The following ARL17A variants were observed in gnomAD, a reference collection of about 807,000 sequenced individuals.
The protein encoded by ARL17A is ADP-ribosylation factor-like 17-like.
chr17:46,575,315 G>C (rs1418953790), intron 2 of ARL17A, among the ~76,000 whole-genome samples: 1 of 150,674 alleles, frequency 6.6e-6, no homozygotes, highest in Non-Finnish European at 1.5e-5. Flanking sequence ...CACAGTAAGA[G>C]CAGTGCAGCC....
At chr17:46,552,607 G>A, downstream of ARL17A, 1 of 60,086 alleles carries the variant, frequency 1.7e-5, no homozygotes, top group Admixed American at 1.7e-4. Context: ...TGTATTAAGT[G>A]CCAGCTGCAT....
chr17:46,543,905 C>T (rs1485790263), intron 3 of ARL17A, among the ~76,000 whole-genome samples: 2 of 148,102 alleles, frequency 1.4e-5, no homozygotes, highest in Admixed American at 6.6e-5. Context: ...TTGCTTGTGC[C>T]CAGGAGTTCG....
chr17:46,544,603 C>T (rs2055994139), intron 3 of ARL17A, among the ~76,000 whole-genome samples: 1 of 44,808 alleles, frequency 2.2e-5, no homozygotes, highest in Non-Finnish European at 3.7e-5. Flanking sequence ...TGCCCAAATT[C>T]ACATTATTAG....
intron 4 of ARL17A, among the ~76,000 whole-genome samples, chr17:46,535,002 A>G (rs1239873681): frequency 1.3e-5 from 2 of 150,158 alleles, no homozygotes; most frequent in Non-Finnish European, 2.9e-5. Flanking sequence ...CTCACCTCCC[A>G]GACAGGGTCG....
chr17:46,548,362 C>G, downstream of ARL17A: 1 of 544,102 alleles, frequency 1.8e-6, no homozygotes, highest in Non-Finnish European at 2.8e-6. Context: ...GAAGGTGTTA[C>G]AAGCCCGGAA....
At chr17:46,551,270 CTCTG>C (rs1320166004), downstream of ARL17A, among the ~76,000 whole-genome samples, 2 of 149,742 alleles carry the variant, frequency 1.3e-5, no homozygotes, top group East Asian at 3.9e-4. Context: ...TGGAGCTTGC[CTCTG>C]TCTTTTGTTC....
At chr17:46,545,707 G>A (rs1431909954) in intron 3 of ARL17A, among the ~76,000 whole-genome samples, 4 of 122,180 alleles carry the variant, frequency 3.3e-5, no homozygotes, top group African/African-American at 7.4e-5. Flanking sequence ...ATCACTCTTC[G>A]TGGATTCTTC....
intron 4 of ARL17A, among the ~76,000 whole-genome samples, chr17:46,533,524 CAG>C (rs2054057347): frequency 7.3e-6 from 1 of 137,832 alleles, no homozygotes; most frequent in South Asian, 2.2e-4. Flanking sequence ...TATTTTGGGA[CAG>C]AGTCTCACTC....
At chr17:46,575,479 G>T (rs2146070912) in intron 2 of ARL17A, among the ~76,000 whole-genome samples, 1 of 146,818 alleles carries the variant, frequency 6.8e-6, no homozygotes, top group Non-Finnish European at 1.5e-5. Flanking sequence ...AACAGAGGCT[G>T]ACTGAGGAGG....
intron 4 of ARL17A, among the ~76,000 whole-genome samples, chr17:46,535,040 C>G (rs1179244892): frequency 6.7e-6 from 1 of 149,480 alleles, no homozygotes; most frequent in Non-Finnish European, 1.5e-5. Flanking sequence ...TCCTCACATC[C>G]CAGACGGGCA....
chr17:46,505,202 G>A, the ARL17A span, among the ~76,000 whole-genome samples: 4 of 86,270 alleles, frequency 4.6e-5, no homozygotes, highest in East Asian at 3.0e-4. Flanking sequence ...AAAGTGCTGG[G>A]ATTACAAGTG....
Position 46,552,934 on chromosome 17 carries a change from A to C in ARL17A, c.*4422T>G, listed in dbSNP as rs2056934422. On this transcript the variant is annotated 3_prime_UTR_variant, in exon 4 of 4. Transcript: ENST00000336125. ...GCCAGGTGTGGTAGTATGCACCTGT[A>C]GTCTCAGCTACTCAAGAGGCTGAGG... 6.9e-6 allele frequency among the ~76,000 whole-genome samples: 1 copy of C among 144,046 alleles called. No homozygotes were observed. The highest frequency in any genetic ancestry group is 1.5e-5 in the Non-Finnish European group (1 of 67,038). 94.5% of individuals were successfully genotyped at this position (144,046 alleles called of 152,430 possible).
intron 3 of ARL17A, chr17:46,560,798 A>C (rs1598606555): frequency 3.1e-4 from 1 of 3,222 alleles, no homozygotes; most frequent in African/African-American, 3.2e-3. Context: ...CTAATCTTGA[A>C]CTCCTGGACT....
At chr17:46,519,431 CAAG>C (rs1467134896) in intron 3 of ARL17A, among the ~76,000 whole-genome samples, 1 of 127,994 alleles carries the variant, frequency 7.8e-6, no homozygotes, top group Non-Finnish European at 1.6e-5. Context: ...ATTTTAAAAA[CAAG>C]AAAATTATTA....
chr17:46,541,505 G>T (rs1598452102), intron 3 of ARL17A, among the ~76,000 whole-genome samples: 1 of 150,234 alleles, frequency 6.7e-6, no homozygotes, highest in East Asian at 2.0e-4. Flanking sequence ...GCCTGCCTCA[G>T]CCTCCCAAAG....
chr17:46,575,053 G>A (rs529407758), intron 2 of ARL17A, among the ~76,000 whole-genome samples: 9 of 81,446 alleles, frequency 1.1e-4, no homozygotes, highest in Admixed American at 2.4e-4. Flanking sequence ...CCGAGATCGC[G>A]CCACTGTACT....
downstream of ARL17A, among the ~76,000 whole-genome samples, chr17:46,550,114 G>T (rs1467388704): frequency 5.8e-5 from 1 of 17,166 alleles, no homozygotes; most frequent in African/African-American, 2.5e-4. Context: ...TCAGGAGTTT[G>T]AGACCAGCTT....
intron 4 of ARL17A, among the ~76,000 whole-genome samples, chr17:46,534,319 G>C (rs1430180143): frequency 1.4e-5 from 2 of 141,688 alleles, no homozygotes; most frequent in African/African-American, 2.8e-5. Flanking sequence ...AAGGTCTCTG[G>C]TTTTCCTAGG....
rs569654314 is a variant in ARL17A, at chr17:46,535,061, T to G, written c.335+3290A>C. Among the ~76,000 whole-genome samples the G allele has an allele frequency of 9.9e-3, 1,474 of 148,388 alleles. 78 individuals carry two copies. The highest frequency in any genetic ancestry group is 0.032 in the African/African-American group (1,229 of 38,592). On this transcript the variant is annotated intron_variant, in intron 4 of 4. Transcript: ENST00000329240. ...CATCCCAGACGGGCATGCCCAGTTA[T>G]TTTCAAATTTTTTGTAGAGACAGGG...
Sources: gnomAD v4.1 joint callset for allele counts (sites outside exome capture counted in the v4.1 genomes callset) on GRCh38, gnomAD v4.1.1 for gene constraint, MANE v1.5 for transcripts, NCBI Gene and HGNC (gene_info 2026-07-23, HGNC 2026-07-21) for gene names.